CHM: variants seen among roughly 807,000 people sequenced by gnomAD.
CHM encodes rab proteins geranylgeranyltransferase component A 1.
CHM carries 10 observed loss-of-function variants against 49.0 expected under a neutral mutation model. That is an observed-to-expected ratio of 0.20 (90% CI 0.13 to 0.35). The LOEUF (loss-of-function observed/expected upper bound fraction) is 0.35, where lower values mean the gene tolerates loss of function less well. Ranked by LOEUF, CHM falls within the 10% of genes least tolerant of loss-of-function variation. The pLI is 1.00. For missense variants in CHM, 455 were observed against 478.4 expected, an observed-to-expected ratio of 0.95 and a Z score of 0.46; for synonymous variants, 184 against 167.5, an observed-to-expected ratio of 1.10 and a Z score of -0.76.
At chrX:85,939,632 G>A (rs1928991060) in intron 8 of CHM, among the ~76,000 whole-genome samples, 1 of 112,392 alleles carries the variant, frequency 8.9e-6, no homozygotes, top group African/African-American at 3.2e-5. Context: ...GGTGTGGAAT[G>A]GTGCTTCTAT....
At chrX:85,867,575 T>G (rs1344970769) in intron 14 of CHM, among the ~76,000 whole-genome samples, 8 of 112,101 alleles carry the variant, frequency 7.1e-5, no homozygotes, top group Non-Finnish European at 1.5e-4. Flanking sequence ...TTGATAGAAT[T>G]TCCATTCCCT....
intron 1 of CHM, among the ~76,000 whole-genome samples, chrX:86,040,883 AT>A (rs970613171): frequency 8.9e-6 from 1 of 112,015 alleles, no homozygotes; most frequent in African/African-American, 3.2e-5. Flanking sequence ...CGCCCCCAAA[AT>A]GTTTCCAATG....
At chrX:85,953,053 T>C (rs955938355) in intron 8 of CHM, among the ~76,000 whole-genome samples, 1 of 112,622 alleles carries the variant, frequency 8.9e-6, no homozygotes, top group Non-Finnish European at 1.9e-5. Context: ...CAAAAACCTA[T>C]TAGACTGACA....
At chrX:85,991,738 A>C (rs930817596) in intron 2 of CHM, among the ~76,000 whole-genome samples, 8 of 105,296 alleles carry the variant, frequency 7.6e-5, no homozygotes, top group Non-Finnish European at 1.2e-4. Flanking sequence ...TCTCAAATTC[A>C]GTTAACCAAC....
chrX:85,911,168 TATATATGA>T (rs1400057757), intron 9 of CHM, 85 bp downstream of exon 9: 16 of 26,339 alleles, frequency 6.1e-4, no homozygotes, highest in African/African-American at 2.1e-3. Context: ...TATATGTATA[TATATATGA>T]ATATATATAT....
intron 1 of CHM, among the ~76,000 whole-genome samples, chrX:86,034,012 A>T (rs1934139171): frequency 9.0e-6 from 1 of 111,447 alleles, no homozygotes; most frequent in Admixed American, 9.6e-5. Context: ...GCCTTTAGGG[A>T]TGGCTAATAA....
At chrX:85,960,783 G>A (rs1930254668) in intron 5 of CHM, among the ~76,000 whole-genome samples, 2 of 111,059 alleles carry the variant, frequency 1.8e-5, no homozygotes, top group South Asian at 3.8e-4. Context: ...GGGCTAAAGA[G>A]CAGTGCAATT....
intron 8 of CHM, among the ~76,000 whole-genome samples, chrX:85,941,465 TATTC>T (rs1181608144): frequency 3.6e-5 from 4 of 112,089 alleles, no homozygotes; most frequent in Non-Finnish European, 5.6e-5. Context: ...CATCATCTGC[TATTC>T]ATTCATTAAT....
rs1056978386 is a variant in CHM at position 86,027,382 on chromosome X, T to C, written c.116+109A>G. 38 of 619,213 alleles carry C rather than the reference T, an allele frequency of 6.1e-5. No homozygotes were observed. In the East Asian group the frequency reaches 1.4e-3, roughly 22 times the overall value. The allele number at this position is 619,213 out of a possible 1,213,427, so 51.0% of individuals were successfully genotyped here. On this transcript the variant is annotated intron_variant, in intron 2 of 14. Coordinates refer to ENST00000357749, the MANE Select transcript of CHM (RefSeq NM_000390.4). Reference sequence around the variant, plus strand: ...CTTTCTTCTAACTTAAGTTTATGTATGATATACACATACATGTACATACGT... The same window carrying C: ...CTTTCTTCTAACTTAAGTTTATGTACGATATACACATACATGTACATACGT...
chrX:85,887,463 G>C (rs7056487), intron 12 of CHM, among the ~76,000 whole-genome samples: 1 of 111,062 alleles, frequency 9.0e-6, no homozygotes, highest in South Asian at 3.8e-4. Flanking sequence ...TAAATTGCCC[G>C]GTTTCTGGTA....
intron 1 of CHM, among the ~76,000 whole-genome samples, chrX:86,045,219 CTA>C (rs775692808): frequency 8.9e-6 from 1 of 112,057 alleles, no homozygotes; most frequent in African/African-American, 3.2e-5. Flanking sequence ...ACTGCTTTTT[CTA>C]TGATTTGCTC....
At chrX:85,909,272 A>G (rs756646711) in intron 9 of CHM, among the ~76,000 whole-genome samples, 1 of 111,800 alleles carries the variant, frequency 8.9e-6, no homozygotes, top group East Asian at 2.8e-4. Flanking sequence ...TGGCAGTTTC[A>G]TATTGATACG....
intron 2 of CHM, among the ~76,000 whole-genome samples, chrX:86,002,009 C>T (rs952895356): frequency 1.8e-5 from 2 of 111,290 alleles, no homozygotes; most frequent in Admixed American, 1.9e-4. Context: ...AATCTCCCAT[C>T]TCCCACAGGT....
chrX:86,027,256 G>A (rs1933864017), intron 2 of CHM: 1 of 333,429 alleles, frequency 3.0e-6, no homozygotes, highest in East Asian at 4.9e-5. Flanking sequence ...AAAATAAAAT[G>A]ATGCATTTGG....
At chrX:85,942,532 C>T (rs1029270436) in intron 8 of CHM, among the ~76,000 whole-genome samples, 4 of 111,366 alleles carry the variant, frequency 3.6e-5, no homozygotes, top group African/African-American at 6.5e-5. Flanking sequence ...AGATCAAGAA[C>T]ATTTCGCATA....
rs1383826074 is a variant in CHM at position 85,929,545 on chromosome X, T to G, written c.1167-18207A>C. ...TTCCACAACCAGAGAGTTTCTGTTT[T>G]CAGCAGTGTATTCCAAATGTCTACA... On this transcript the variant is annotated intron_variant, in intron 8 of 14. Coordinates refer to ENST00000357749, the MANE Select transcript of CHM (RefSeq NM_000390.4). Among the ~76,000 whole-genome samples the G allele has an allele frequency of 3.6e-5, 4 of 112,293 alleles. No individual in the cohort carries two copies. The East Asian group carries it at 1.1e-3, about 31-fold the overall frequency.
chrX:85,974,990 C>T (rs1197648913), intron 4 of CHM, among the ~76,000 whole-genome samples: 2 of 110,223 alleles, frequency 1.8e-5, no homozygotes, highest in Non-Finnish European at 3.8e-5. Context: ...ACTCTGAAAA[C>T]TCAACAGTAA....
chrX:85,901,577 G>A (rs540645950), intron 9 of CHM, among the ~76,000 whole-genome samples: 4 of 111,410 alleles, frequency 3.6e-5, no homozygotes, highest in African/African-American at 1.3e-4. Context: ...AAGAAAGAGA[G>A]AAAAATTGAT....
chrX:85,966,341 C>A (rs1423289698), intron 4 of CHM, among the ~76,000 whole-genome samples: 8 of 99,224 alleles, frequency 8.1e-5, no homozygotes, highest in African/African-American at 3.2e-4. Context: ...AAGAGCAAAA[C>A]TCCGTCTAAA....
Sources: gnomAD v4.1 joint callset for allele counts (sites outside exome capture counted in the v4.1 genomes callset) on GRCh38, gnomAD v4.1.1 for gene constraint, MANE v1.5 for transcripts, NCBI Gene and HGNC (gene_info 2026-07-23, HGNC 2026-07-21) for gene names.